The following EPB42 variants were observed in gnomAD, a reference collection of about 807,000 sequenced individuals.
The protein encoded by EPB42 is erythrocyte membrane protein band 4.2.
EPB42 carries 49 observed loss-of-function variants against 76.9 expected under a neutral mutation model. That is an observed-to-expected ratio of 0.64 (90% CI 0.51 to 0.81). The LOEUF is 0.81. Among genes scored for constraint, EPB42 ranks in the 30% least tolerant of loss-of-function variants. The pLI, the probability that EPB42 is intolerant of heterozygous loss-of-function variation, is 0.00. For missense variants in EPB42, 731 were observed against 867.6 expected (o/e 0.84, Z 1.98); for synonymous variants, 310 against 338.4 (o/e 0.92, Z 0.92).
intron 12 of EPB42, among the ~76,000 whole-genome samples, chr15:43,200,763 T>C (rs928193698): frequency 6.6e-6 from 1 of 151,696 alleles, no homozygotes; most frequent in Non-Finnish European, 1.5e-5. Context: ...AACCACATCA[T>C]AGCCTAGGAC....
At chr15:43,209,505 C>G (rs1319862194) in intron 5 of EPB42, 54 bp from the exon 6 acceptor site, 7 of 1,566,822 alleles carry the variant, frequency 4.5e-6, no homozygotes, top group Non-Finnish European at 6.1e-6. Flanking sequence ...AGGACAGCTT[C>G]CAGGGCATGG....
Position 43,210,361 on chromosome 15 carries a change from G to C in EPB42, c.628C>G (p.His210Asp). ...KQVEKWSQPV[H>D]VARVLGALLH... Reference sequence around the variant, plus strand: ...AAGGCACCCAACACACGGGCCACGTGCACCGGCTGGCTCCACTTCTCTACC... The same window carrying C: ...AAGGCACCCAACACACGGGCCACGTCCACCGGCTGGCTCCACTTCTCTACC... The change falls in exon 5 of 13, where the codon CAC (histidine) becomes GAC (aspartate). Residue 210 changes from histidine to aspartate, a missense_variant. Physicochemically the swap from His to Asp is moderately conservative, Grantham distance 81 (BLOSUM62 -1). Transcript: ENST00000441366. 1 of 1,613,708 alleles carries C rather than the reference G, an allele frequency of 6.2e-7. No individual in the cohort carries two copies. Among genetic ancestry groups the C allele is most frequent in the Non-Finnish European group, 8.5e-7 (1 of 1,179,954 alleles).
chr15:43,207,179 G>C lies in EPB42; in HGVS notation c.1318+20C>G. 6.2e-7 allele frequency: 1 copy of C among 1,613,876 alleles called. No individual in the cohort carries two copies. Among genetic ancestry groups the C allele is most frequent in the Non-Finnish European group, 8.5e-7 (1 of 1,180,034 alleles). ...CCGTTTCAGGTACCGAGAAGCCTGG[G>C]GCCCTTCCCTGGCCCGTACCTTCAG... On this transcript the variant is annotated intron_variant, in intron 9 of 12. Coordinates refer to ENST00000441366, the MANE Select transcript of EPB42 (RefSeq NM_001114134.2).
chr15:43,206,536 G>A lies in EPB42; in HGVS notation c.1412C>T (p.Thr471Ile), dbSNP rs751537416. The A allele has an allele frequency of 6.2e-7, 1 of 1,614,236 alleles. No individual in the cohort carries two copies. Among genetic ancestry groups the A allele is most frequent in the East Asian group, 2.2e-5 (1 of 44,884 alleles). The change falls in exon 10 of 13, where the codon ACT becomes ATT. Residue 471 changes from threonine (T) to isoleucine (I), a missense_variant. Coordinates refer to ENST00000441366, the MANE Select transcript of EPB42 (RefSeq NM_001114134.2). This position sits in a 1 kb window ranked among gnomAD's most constrained non-coding sequence, Gnocchi z 4.7. ...DNGIRPPSLE[T>I]ASPLYLLLKA... ...CAAGAGCAGGTACAGAGGACTGGCA[G>A]TCTCGAGACTGGGAGGACGGATGCC... is the stretch of plus-strand genomic sequence containing the variant.
Position 43,215,192 on chromosome 15 carries a change from G to T in EPB42, c.333C>A (p.Asp111Glu). 6.2e-7 allele frequency: 1 copy of T among 1,614,208 alleles called. No individual in the cohort carries two copies. The highest frequency in any genetic ancestry group is 8.5e-7 in the Non-Finnish European group (1 of 1,180,042). Residue 111 changes from aspartate to glutamate, a missense_variant, in exon 3 of 13, where the codon GAC (aspartate) becomes GAA (glutamate). Physicochemically the swap from Asp to Glu is conservative, Grantham distance 45 (BLOSUM62 2). Transcript: ENST00000441366. Reference protein sequence around the residue: ...SWTISVTTPADAVIGHYSLLL... With the variant: ...SWTISVTTPAEAVIGHYSLLL... Reference sequence around the variant, plus strand: ...GAAGCGAGTAGTGGCCAATGACAGCGTCCGCAGGTGTGGTCACAGAGATGG... The same window carrying T: ...GAAGCGAGTAGTGGCCAATGACAGCTTCCGCAGGTGTGGTCACAGAGATGG...
In EPB42 at chr15:43,220,874, TCA is replaced by T. The variant is rs2042452909; in HGVS notation, c.-51_-50del. On this transcript the variant is annotated 5_prime_UTR_variant, in exon 1 of 13. Transcript: ENST00000441366. ...CACTTGGCCGCAGAAAGCGCCTCTC[TCA>T]AACTGTTGCTTCTGGGCTCCTTCTG... The T allele has an allele frequency of 1.3e-6, 2 of 1,543,478 alleles. No homozygotes were observed. The highest frequency in any genetic ancestry group is 1.4e-5 in the African/African-American group (1 of 73,886).
At chr15:43,200,088 T>C (rs192607895) in intron 12 of EPB42, among the ~76,000 whole-genome samples, 17 of 152,306 alleles carry the variant, frequency 1.1e-4, no homozygotes, top group Admixed American at 7.8e-4. Flanking sequence ...GCAGGGCTTA[T>C]TGAGAGGATG....
chr15:43,211,389 C>T (rs898658441), intron 4 of EPB42, 27 bp downstream of exon 4: 11 of 1,394,020 alleles, frequency 7.9e-6, no homozygotes, highest in Non-Finnish European at 1.1e-5. Flanking sequence ...TCACTCTACA[C>T]ACTCCTCCCC....
chr15:43,206,019 C>A lies in EPB42; in HGVS notation c.1618+311G>T, dbSNP rs553269946. 7.8e-5 allele frequency: 23 copies of A among 294,310 alleles called. No individual in the cohort carries two copies. Among genetic ancestry groups the A allele is most frequent in the Non-Finnish European group, 1.3e-4 (21 of 157,048 alleles). The allele number at this position is 294,310 out of a possible 1,614,324, so 18.2% of individuals were successfully genotyped here. ...CCATGCAGTACAATTTATTTGGGGG[C>A]AGCTTATTCCAGCCTGGGGGGAGGT... On this transcript the variant is annotated intron_variant, in intron 10 of 12. Coordinates refer to ENST00000441366, the MANE Select transcript of EPB42 (RefSeq NM_001114134.2). This position sits in a 1 kb window ranked among gnomAD's most constrained non-coding sequence, Gnocchi z 4.7.
intron 1 of EPB42, 102 bp from the exon 2 acceptor site, chr15:43,216,555 C>T: frequency 7.6e-7 from 1 of 1,323,468 alleles, no homozygotes; most frequent in Non-Finnish European, 1.1e-6. Context: ...TAATCCTCGG[C>T]TCCACTTACG....
intron 12 of EPB42, among the ~76,000 whole-genome samples, chr15:43,199,873 T>G (rs1456202593): frequency 6.6e-6 from 1 of 152,154 alleles, no homozygotes; most frequent in Non-Finnish European, 1.5e-5. Context: ...TTCTTCCTCA[T>G]TTTCTCTTGC....
At chr15:43,208,989 G>A (rs1437347597) in intron 6 of EPB42, among the ~76,000 whole-genome samples, 1 of 152,228 alleles carries the variant, frequency 6.6e-6, no homozygotes, top group African/African-American at 2.4e-5. Context: ...CAGGGGAGAA[G>A]GCAACAGAGC....
upstream of EPB42, among the ~76,000 whole-genome samples, chr15:43,225,596 T>C (rs2042500951): frequency 6.6e-6 from 1 of 152,170 alleles, no homozygotes. Context: ...GGTACAGCAG[T>C]AAAGCTCTAT....
In EPB42 at chr15:43,210,253, G is replaced by C. The variant is rs1596411688; in HGVS notation, c.654+82C>G. 5 of 1,270,362 alleles carry C rather than the reference G, an allele frequency of 3.9e-6. No homozygotes were observed. The East Asian group carries it at 1.2e-4, about 29-fold the overall frequency. The allele number at this position is 1,270,362 out of a possible 1,614,324, so 78.7% of individuals were successfully genotyped here. On this transcript the variant is annotated intron_variant, in intron 5 of 12. Transcript: ENST00000441366. ...GGCCATTTGTGATTTGGGGGTTTCT[G>C]AGGCCACGGTGGTGGGGCAGGTCTC...
chr15:43,211,339 CCAGCTCTGTCTAGCCTCAA>C (rs1250178823), intron 4 of EPB42, 58 bp downstream of exon 4: 29 of 962,542 alleles, frequency 3.0e-5, no homozygotes, highest in Non-Finnish European at 4.6e-5. Context: ...TTTGGACCTA[CCAGCTCTGTCTAGCCTCAA>C]CATGCAAGGT....
chr15:43,220,810 G>C lies in EPB42; in HGVS notation c.10+6C>G. The stretch of plus-strand genomic sequence containing the variant: ...GCAAGCCCTGTCGAGCGCTGGCTTG[G>C]CTCACCCTGTCCCATGGTTGCAGGC... On this transcript the variant is annotated splice_donor_region_variant and intron_variant, in intron 1 of 12. Transcript: ENST00000441366. 1 of 1,612,120 alleles carries C rather than the reference G, an allele frequency of 6.2e-7. No homozygotes were observed. Among genetic ancestry groups the C allele is most frequent in the South Asian group, 1.1e-5 (1 of 91,080 alleles).
Position 43,207,342 on chromosome 15 carries a change from G to A in EPB42, c.1175C>T (p.Ser392Leu). The A allele has an allele frequency of 6.2e-7, 1 of 1,614,212 alleles. No homozygotes were observed. Among genetic ancestry groups the A allele is most frequent in the South Asian group, 1.1e-5 (1 of 91,078 alleles). ...VSDLFAAINA[S>L]CVVWKCCEDG... ...CTCACAGCACTTCCAGACCACACAT[G>A]AGGCATTTATGGCAGCAAAAAGGTC... The change falls in exon 9 of 13, where the codon TCA becomes TTA. Residue 392 changes from serine to leucine, a missense_variant. Ser to Leu is a moderately radical substitution (Grantham distance 145). Coordinates refer to ENST00000441366, the MANE Select transcript of EPB42 (RefSeq NM_001114134.2).
At chr15:43,218,538 G>C (rs1008584485) in intron 1 of EPB42, among the ~76,000 whole-genome samples, 1 of 152,182 alleles carries the variant, frequency 6.6e-6, no homozygotes, top group Non-Finnish European at 1.5e-5. Flanking sequence ...CACCTGCTTA[G>C]TCCTCTGCTC....
intron 1 of EPB42, 100 bp from the exon 2 acceptor site, chr15:43,216,553 G>T: frequency 7.5e-7 from 1 of 1,337,778 alleles, no homozygotes; most frequent in Non-Finnish European, 1.0e-6. Flanking sequence ...TCTAATCCTC[G>T]GCTCCACTTA....
Sources: gnomAD v4.1 joint callset for allele counts (sites outside exome capture counted in the v4.1 genomes callset) on GRCh38, gnomAD v4.1.1 for gene constraint, Gnocchi (gnomAD v3.1) non-coding constraint, MANE v1.5 for transcripts, NCBI Gene and HGNC (gene_info 2026-07-23, HGNC 2026-07-21) for gene names.